Variants in FBXL17 observed in about 807,000 individuals in gnomAD.
The protein encoded by FBXL17 is F-box/LRR-repeat protein 17.
Under a neutral mutation model 66.2 loss-of-function variants are expected in FBXL17, and 22 were observed. The ratio of observed to expected loss-of-function variants is 0.33; its 90% confidence interval spans 0.24 to 0.47. The LOEUF (loss-of-function observed/expected upper bound fraction) is 0.47. FBXL17 is among the 20% of genes least tolerant of loss of function. The pLI is 1.00. For missense variants in FBXL17, 878 were observed against 948.2 expected, an observed-to-expected ratio of 0.93 and a Z score of 0.97; for synonymous variants, 474 against 400.5, an observed-to-expected ratio of 1.18 and a Z score of -2.19.
At chr5:108,028,335 A>C (rs1446763391) in intron 6 of FBXL17, among the ~76,000 whole-genome samples, 1 of 152,156 alleles carries the variant, frequency 6.6e-6, no homozygotes, top group Non-Finnish European at 1.5e-5. Context: ...TTAAACATAT[A>C]ATTGATGATA....
At position 108,198,270 on chromosome 5, in the gene FBXL17, A is replaced by G. The variant is rs577001422; in HGVS notation, c.1615-12023T>C. Among the ~76,000 whole-genome samples the G allele has an allele frequency of 3.3e-5, 5 of 152,136 alleles. No homozygotes were observed. The East Asian group carries it at 9.7e-4, about 29-fold the overall frequency. On this transcript the variant is annotated intron_variant, in intron 5 of 8. Transcript: ENST00000542267. ...TCTAATTTTAAGTCGTTTTTATGAT[A>G]AAAAATTCCAAAATGTATACATAAT... is the stretch of plus-strand genomic sequence containing the variant.
In FBXL17 at chr5:107,963,074, C is replaced by A. The variant is rs531986529; in HGVS notation, c.1822+57851G>T. On this transcript the variant is annotated intron_variant, in intron 7 of 8. Coordinates refer to ENST00000542267, the MANE Select transcript of FBXL17 (RefSeq NM_001163315.3). ...TTTGGAGGTGCTAATCTCATACTAT[C>A]AAAGATCAAAGATATTTTCTTTTTA... 5.9e-5 allele frequency among the ~76,000 whole-genome samples: 9 copies of A among 152,216 alleles called. 1 individual carries two copies. The East Asian group carries it at 1.7e-3, about 29-fold the overall frequency.
intron 7 of FBXL17, among the ~76,000 whole-genome samples, chr5:107,909,253 G>A (rs1353479594): frequency 6.6e-6 from 1 of 152,086 alleles, no homozygotes; most frequent in Non-Finnish European, 1.5e-5. Flanking sequence ...AAGAACAATT[G>A]AGCCAAGTTT....
chr5:107,997,920 C>T (rs565030722), intron 7 of FBXL17, among the ~76,000 whole-genome samples: 4 of 152,294 alleles, frequency 2.6e-5, no homozygotes, highest in African/African-American at 9.6e-5. Flanking sequence ...CATTTTCTCA[C>T]GTTTCAATAA....
At chr5:107,929,424 AAC>A (rs1750653152) in intron 7 of FBXL17, among the ~76,000 whole-genome samples, 1 of 152,218 alleles carries the variant, frequency 6.6e-6, no homozygotes, top group South Asian at 2.1e-4. Flanking sequence ...ACTTAGTGGG[AAC>A]ACATAGTAAA....
intron 6 of FBXL17, among the ~76,000 whole-genome samples, chr5:108,112,635 T>C (rs902897698): frequency 2.0e-5 from 3 of 152,204 alleles, no homozygotes; most frequent in East Asian, 3.9e-4. Context: ...TAAATAGACA[T>C]ATAAATGACA....
intron 6 of FBXL17, among the ~76,000 whole-genome samples, chr5:108,083,402 CAG>C (rs1405185905): frequency 1.3e-5 from 2 of 152,054 alleles, no homozygotes. Flanking sequence ...GCATCCATCC[CAG>C]AGTTTGTTTG....
chr5:107,927,319 TAGGCAATTAACTGTATG>T (rs1209463726), intron 7 of FBXL17, among the ~76,000 whole-genome samples: 1 of 152,144 alleles, frequency 6.6e-6, no homozygotes, highest in African/African-American at 2.4e-5. Flanking sequence ...TGCAATGGTG[TAGGCAATTAACTGTATG>T]AGGGAAAAAT....
At chr5:108,215,655 G>A (rs1005716560) in intron 5 of FBXL17, among the ~76,000 whole-genome samples, 10 of 152,030 alleles carry the variant, frequency 6.6e-5, no homozygotes, top group African/African-American at 1.7e-4. Flanking sequence ...TTATTCTGTC[G>A]ATTGCCTCTT....
chr5:108,312,885 T>TAA (rs968205365), intron 4 of FBXL17, among the ~76,000 whole-genome samples: 1 of 152,164 alleles, frequency 6.6e-6, no homozygotes, highest in African/African-American at 2.4e-5. Flanking sequence ...GATAAGCTAA[T>TAA]AACAGAGACT....
intron 4 of FBXL17, among the ~76,000 whole-genome samples, chr5:108,227,745 C>T (rs1304567125): frequency 6.6e-6 from 1 of 152,174 alleles, no homozygotes; most frequent in Non-Finnish European, 1.5e-5. Flanking sequence ...GTAAAGTATG[C>T]TTAAGCATAT....
intron 5 of FBXL17, among the ~76,000 whole-genome samples, chr5:108,223,472 A>G (rs1329454842): frequency 1.4e-5 from 2 of 138,660 alleles, no homozygotes; most frequent in Non-Finnish European, 2.9e-5. Flanking sequence ...AATTTCAGAT[A>G]ACACATAGGT....
At chr5:107,921,455 G>A (rs1325809511) in intron 7 of FBXL17, among the ~76,000 whole-genome samples, 1 of 152,174 alleles carries the variant, frequency 6.6e-6, no homozygotes, top group African/African-American at 2.4e-5. Context: ...ATTTTCCATA[G>A]CTGAAGGCAA....
chr5:108,040,452 A>C (rs1437059731), intron 6 of FBXL17, among the ~76,000 whole-genome samples: 4 of 152,130 alleles, frequency 2.6e-5, no homozygotes, highest in Non-Finnish European at 5.9e-5. Context: ...AAAAACTAAG[A>C]ATGTTTTTAA....
chr5:108,223,134 T>C (rs1405816385), intron 5 of FBXL17, among the ~76,000 whole-genome samples: 1 of 152,152 alleles, frequency 6.6e-6, no homozygotes, highest in East Asian at 1.9e-4. Flanking sequence ...GAGGTTATAA[T>C]GGCGCCCAGG....
chr5:108,377,730 T>C (rs1440226977), intron 1 of FBXL17, among the ~76,000 whole-genome samples: 2 of 152,242 alleles, frequency 1.3e-5, no homozygotes, highest in African/African-American at 4.8e-5. Context: ...CAGCCACAGG[T>C]GAAAGTACAT....
At chr5:108,081,239 C>T (rs1284675833) in intron 6 of FBXL17, among the ~76,000 whole-genome samples, 3 of 152,026 alleles carry the variant, frequency 2.0e-5, no homozygotes, top group Non-Finnish European at 2.9e-5. Flanking sequence ...GAGGCACATC[C>T]GACTCCTCCT....
intron 4 of FBXL17, among the ~76,000 whole-genome samples, chr5:108,255,738 A>G (rs1485493327): frequency 1.3e-5 from 2 of 152,154 alleles, no homozygotes; most frequent in East Asian, 3.8e-4. Flanking sequence ...GCCTTTCAGT[A>G]GTTTCACCTC....
chr5:108,106,712 A>G (rs1319042170), intron 6 of FBXL17, among the ~76,000 whole-genome samples: 1 of 152,252 alleles, frequency 6.6e-6, no homozygotes, highest in African/African-American at 2.4e-5. Context: ...CCATAGAGAC[A>G]AAAAGTAGAT....
Sources: gnomAD v4.1 joint callset for allele counts (sites outside exome capture counted in the v4.1 genomes callset) on GRCh38, gnomAD v4.1.1 for gene constraint, MANE v1.5 for transcripts, NCBI Gene and HGNC (gene_info 2026-07-23, HGNC 2026-07-21) for gene names.